Variants in UTRN observed in about 807,000 individuals in gnomAD.
UTRN encodes the protein dystrophin-related protein 1.
In UTRN, 283 loss-of-function variants were observed where a neutral mutation model predicts 463.9. That is an observed-to-expected ratio of 0.61 (90% CI 0.55 to 0.67). UTRN has a LOEUF of 0.67. Among genes scored for constraint, UTRN ranks in the 30% least tolerant of loss-of-function variants. UTRN has a pLI of 0.00. For missense variants in UTRN, 3,922 were observed against 4,084.3 expected (o/e 0.96, Z 1.08); for synonymous variants, 1,442 against 1,431.5 (o/e 1.01, Z -0.17).
chr6:144,330,736 C>A, intron 2 of UTRN: 1 of 825,932 alleles, frequency 1.2e-6, no homozygotes, highest in Non-Finnish European at 1.5e-6. Context: ...ACAGAGCAGA[C>A]CAGGATTGGG....
chr6:144,765,001 A>G (rs1402175873), intron 58 of UTRN, among the ~76,000 whole-genome samples: 1 of 141,792 alleles, frequency 7.1e-6, no homozygotes, highest in Non-Finnish European at 1.6e-5. Flanking sequence ...AATTTGGCTG[A>G]TGGTCTGAAT....
intron 2 of UTRN, among the ~76,000 whole-genome samples, chr6:144,301,536 C>CTTTTTTTTTTTT (rs200484231): frequency 5.6e-4 from 52 of 92,746 alleles, no homozygotes; most frequent in Non-Finnish European, 9.0e-4. Flanking sequence ...TTCTTTCTTT[C>CTTTTTTTTTTTT]TTTTTTTTTT....
chr6:144,452,772 C>G (rs1161583231), intron 18 of UTRN, among the ~76,000 whole-genome samples: 1 of 146,848 alleles, frequency 6.8e-6, no homozygotes, highest in Non-Finnish European at 1.5e-5. Flanking sequence ...CCCGTCTCTA[C>G]AAAAAGTAAA....
At chr6:144,388,364 G>A (rs1781592163) in intron 2 of UTRN, among the ~76,000 whole-genome samples, 2 of 151,842 alleles carry the variant, frequency 1.3e-5, no homozygotes, top group East Asian at 3.9e-4. Context: ...TCCCACTGGA[G>A]TACAGTGGCA....
At chr6:144,735,159 A>G (rs924671260) in intron 54 of UTRN, among the ~76,000 whole-genome samples, 1 of 152,212 alleles carries the variant, frequency 6.6e-6, no homozygotes, top group Non-Finnish European at 1.5e-5. Flanking sequence ...AAAGCAAGCA[A>G]TGTAAAAGTG....
At chr6:144,622,785 A>G (rs1296306050) in intron 51 of UTRN, among the ~76,000 whole-genome samples, 1 of 152,210 alleles carries the variant, frequency 6.6e-6, no homozygotes, top group African/African-American at 2.4e-5. Context: ...AGCTCTAGAA[A>G]ACAGGAAAGG....
At chr6:144,597,843 A>G (rs1309561892) in intron 51 of UTRN, among the ~76,000 whole-genome samples, 1 of 152,208 alleles carries the variant, frequency 6.6e-6, no homozygotes, top group African/African-American at 2.4e-5. Flanking sequence ...AATTTGACTT[A>G]ATCACATATG....
chr6:144,429,793 T>C, intron 9 of UTRN, 52 bp downstream of exon 9: 1 of 1,577,426 alleles, frequency 6.3e-7, no homozygotes, highest in Non-Finnish European at 8.6e-7. Context: ...TGTTTTCTCC[T>C]AGGTACTAGA....
chr6:144,713,209 T>A (rs1785928759), intron 53 of UTRN, among the ~76,000 whole-genome samples: 4 of 152,170 alleles, frequency 2.6e-5, no homozygotes, highest in Admixed American at 6.5e-5. Context: ...CACTCAGAAA[T>A]GTTTGGATTT....
intron 50 of UTRN, 75 bp from the exon 51 acceptor site, chr6:144,577,024 A>C: frequency 6.8e-7 from 1 of 1,460,266 alleles, no homozygotes; most frequent in Non-Finnish European, 9.3e-7. Flanking sequence ...TTAGTTTTTT[A>C]TTTAGGGGAT....
At chr6:144,638,138 A>C (rs1027421075) in intron 51 of UTRN, among the ~76,000 whole-genome samples, 2 of 152,226 alleles carry the variant, frequency 1.3e-5, no homozygotes, top group Admixed American at 6.5e-5. Flanking sequence ...AATGTAGTTT[A>C]TAAACTCCGA....
intron 59 of UTRN, 53 bp from the exon 60 acceptor site, chr6:144,774,237 A>AAT: frequency 6.8e-7 from 1 of 1,478,540 alleles, no homozygotes; most frequent in Non-Finnish European, 9.2e-7. Context: ...CTGGGCATTC[A>AAT]ATATATATTC....
chr6:144,351,556 C>A lies in UTRN; in HGVS notation c.80-51567C>A, dbSNP rs1218285721. Among the ~76,000 whole-genome samples the A allele has an allele frequency of 4.6e-5, 7 of 152,134 alleles. No individual in the cohort carries two copies. In the East Asian group the frequency reaches 1.3e-3, roughly 29 times the overall value. Reference sequence around the variant, plus strand: ...GATGCCCCAGATGTTTTGCTGTTTTCAAAGTTTGCTATCATTTGTTCAGAA... The same window carrying A: ...GATGCCCCAGATGTTTTGCTGTTTTAAAAGTTTGCTATCATTTGTTCAGAA... On this transcript the variant is annotated intron_variant, in intron 2 of 74. Transcript: ENST00000367545.
intron 45 of UTRN, among the ~76,000 whole-genome samples, chr6:144,540,065 TAAAG>T (rs1797860703): frequency 6.7e-6 from 1 of 149,080 alleles, no homozygotes; most frequent in South Asian, 2.1e-4. Flanking sequence ...AAGAAATAAA[TAAAG>T]AAAATAGCAT....
chr6:144,639,088 ATAAAAAT>A (rs1777505655), intron 51 of UTRN, among the ~76,000 whole-genome samples: 1 of 148,192 alleles, frequency 6.7e-6, no homozygotes, highest in African/African-American at 2.4e-5. Flanking sequence ...AAATAAAATA[ATAAAAAT>A]AAAAGAAAAG....
At chr6:144,843,586 T>C (rs1023924813) in intron 73 of UTRN, among the ~76,000 whole-genome samples, 2 of 152,238 alleles carry the variant, frequency 1.3e-5, no homozygotes, top group African/African-American at 4.8e-5. Flanking sequence ...TGTTCATTGA[T>C]ATTGGTTTCT....
chr6:144,457,192 C>T (rs967415648), intron 19 of UTRN, among the ~76,000 whole-genome samples: 27 of 152,118 alleles, frequency 1.8e-4, no homozygotes, highest in Admixed American at 1.8e-3. Flanking sequence ...CTGTAACCAG[C>T]AATATCTCAG....
intron 53 of UTRN, among the ~76,000 whole-genome samples, chr6:144,724,090 G>A (rs1183815776): frequency 6.7e-6 from 1 of 148,776 alleles, no homozygotes; most frequent in Admixed American, 6.7e-5. Flanking sequence ...CAGAATTATT[G>A]TTTTATTTTA....
chr6:144,354,776 G>A (rs1176365061), intron 2 of UTRN, among the ~76,000 whole-genome samples: 1 of 151,990 alleles, frequency 6.6e-6, no homozygotes, highest in Non-Finnish European at 1.5e-5. Flanking sequence ...CTCCTTCCCT[G>A]CTTGGATTAA....
Sources: allele counts gnomAD v4.1 joint callset (sites outside exome capture counted in the v4.1 genomes callset), GRCh38; gene constraint gnomAD v4.1.1; transcripts MANE v1.5; gene names NCBI Gene and HGNC (gene_info 2026-07-23, HGNC 2026-07-21).